KCNH1: variants seen among roughly 807,000 people sequenced by gnomAD.
KCNH1 encodes voltage-gated delayed rectifier potassium channel KCNH1.
A neutral mutation model predicts 69.2 loss-of-function variants in KCNH1; 27 were observed. The ratio of observed to expected loss-of-function variants is 0.39; its 90% CI spans 0.29 to 0.54. The LOEUF (loss-of-function observed/expected upper bound fraction) is 0.54. Ranked by LOEUF, KCNH1 falls within the 20% of genes least tolerant of loss-of-function variation. KCNH1 has a pLI of 0.68. For synonymous variants in KCNH1, 456 were observed against 487.7 expected (o/e 0.93, Z 0.86); for missense variants, 798 against 1,261.6 (o/e 0.63, Z 5.57).
intron 8 of KCNH1, among the ~76,000 whole-genome samples, chr1:210,798,418 A>G (rs2102401549): frequency 6.6e-6 from 1 of 152,342 alleles, no homozygotes; most frequent in East Asian, 1.9e-4. Context: ...GCAAGATAGT[A>G]AACACAAAGG....
chr1:211,090,924 G>GATCTCTTAACTTGT (rs1276179354), intron 3 of KCNH1, among the ~76,000 whole-genome samples: 3 of 152,114 alleles, frequency 2.0e-5, no homozygotes, highest in Admixed American at 2.0e-4. Context: ...TCCAAGTGCT[G>GATCTCTTAACTTGT]ATCTCTTAAC....
chr1:211,044,501 C>A (rs1191633674), intron 5 of KCNH1, among the ~76,000 whole-genome samples: 1 of 152,154 alleles, frequency 6.6e-6, no homozygotes, highest in Non-Finnish European at 1.5e-5. Context: ...AAAATCTTCA[C>A]AATCTATACA....
At chr1:211,102,274 G>A (rs140855540) in intron 3 of KCNH1, among the ~76,000 whole-genome samples, 1 of 152,164 alleles carries the variant, frequency 6.6e-6, no homozygotes. Context: ...TATTCCATTA[G>A]TTTATGACAC....
intron 7 of KCNH1, among the ~76,000 whole-genome samples, chr1:210,834,483 A>G (rs928907373): frequency 1.6e-4 from 21 of 130,426 alleles, no homozygotes; most frequent in African/African-American, 4.1e-4. Context: ...GAATTGAACA[A>G]TGAGAACACA....
intron 9 of KCNH1, among the ~76,000 whole-genome samples, chr1:210,793,881 C>G (rs887757882): frequency 6.6e-6 from 1 of 152,220 alleles, no homozygotes; most frequent in Non-Finnish European, 1.5e-5. Flanking sequence ...CAATGCGAAT[C>G]ATGCAGAGTG....
chr1:211,090,708 A>C lies in KCNH1; in HGVS notation c.311-18T>G. Reference sequence around the variant, plus strand: ...AGGTGTCCCTGAAAGGAATATCAAAAGGTTGGTCAGTAATTTGCATTCTCA... The same window carrying C: ...AGGTGTCCCTGAAAGGAATATCAAACGGTTGGTCAGTAATTTGCATTCTCA... On this transcript the variant is annotated intron_variant, in intron 3 of 10. Coordinates refer to ENST00000271751, the MANE Select transcript of KCNH1 (RefSeq NM_172362.3). The C allele has an allele frequency of 3.8e-6, 6 of 1,594,134 alleles. No homozygotes were observed. Among genetic ancestry groups the C allele is most frequent in the Non-Finnish European group, 5.1e-6 (6 of 1,175,418 alleles).
At chr1:210,916,405 G>A (rs1349714442) in intron 7 of KCNH1, among the ~76,000 whole-genome samples, 1 of 152,186 alleles carries the variant, frequency 6.6e-6, no homozygotes, top group Non-Finnish European at 1.5e-5. Flanking sequence ...CCAGTCCCCT[G>A]AGTCTGCACC....
chr1:211,039,154 G>T (rs764610683), intron 5 of KCNH1, among the ~76,000 whole-genome samples: 1 of 152,170 alleles, frequency 6.6e-6, no homozygotes, highest in Non-Finnish European at 1.5e-5. Context: ...GGCTGAAAGG[G>T]GCCAACATAC....
intron 5 of KCNH1, chr1:211,063,451 G>C (rs1216951108): frequency 1.3e-5 from 2 of 152,164 alleles, no homozygotes; most frequent in Non-Finnish European, 2.9e-5. Context: ...ATAAAGAAGA[G>C]ATGGTTCGGC....
chr1:210,812,750 G>A (rs1684733460), intron 7 of KCNH1, among the ~76,000 whole-genome samples: 1 of 152,210 alleles, frequency 6.6e-6, no homozygotes, highest in Non-Finnish European at 1.5e-5. Context: ...TCAATAATGA[G>A]ATAGAGCAAA....
intron 7 of KCNH1, among the ~76,000 whole-genome samples, chr1:210,881,925 C>G (rs1046271381): frequency 6.6e-5 from 10 of 152,174 alleles, no homozygotes; most frequent in Non-Finnish European, 2.9e-5. Flanking sequence ...GGACAGTAAA[C>G]TATTCTGTAT....
Position 210,789,899 on chromosome 1 carries a change from T to C in KCNH1, c.1915+7609A>G, listed in dbSNP as rs148091172. The stretch of plus-strand genomic sequence containing the variant: ...TTGTGAGTATTGTGAATGGCTATAC[T>C]CCCATTTCTTTCTCTTTTTAGAGAC... On this transcript the variant is annotated intron_variant, in intron 9 of 10. Transcript: ENST00000271751. Among the ~76,000 whole-genome samples the C allele has an allele frequency of 2.0e-4, 31 of 152,344 alleles. No homozygotes were observed. In the East Asian group the frequency reaches 3.9e-3, roughly 19 times the overall value.
intron 9 of KCNH1, among the ~76,000 whole-genome samples, chr1:210,792,476 G>A (rs1574258985): frequency 6.6e-6 from 1 of 152,110 alleles, no homozygotes; most frequent in Admixed American, 6.6e-5. Flanking sequence ...AAGAGTCTGG[G>A]GCTCACAGGA....
chr1:210,760,794 C>T (rs962472748), intron 10 of KCNH1, among the ~76,000 whole-genome samples: 4 of 152,170 alleles, frequency 2.6e-5, no homozygotes, highest in Non-Finnish European at 5.9e-5. Flanking sequence ...GAGACTTATT[C>T]ACTATCATGA....
At chr1:210,907,963 C>T (rs185127819) in intron 7 of KCNH1, among the ~76,000 whole-genome samples, 19 of 152,288 alleles carry the variant, frequency 1.2e-4, no homozygotes, top group Non-Finnish European at 1.2e-4. Flanking sequence ...GACTCTTTTC[C>T]ATGTCTGTTT....
intron 2 of KCNH1, among the ~76,000 whole-genome samples, chr1:211,104,598 C>T (rs1024853975): frequency 6.6e-6 from 1 of 152,066 alleles, no homozygotes; most frequent in Non-Finnish European, 1.5e-5. Flanking sequence ...AATAATGGCA[C>T]AGGAGACTAA....
chr1:210,780,982 G>A lies in KCNH1; in HGVS notation c.1916-5438C>T, dbSNP rs529159712. The stretch of plus-strand genomic sequence containing the variant: ...GAATGGCGTGAACCCGGGAGATGGA[G>A]CTTGCAGTGAGCCGAGATCGCACCA... On this transcript the variant is annotated intron_variant, in intron 9 of 10. Coordinates refer to ENST00000271751, the MANE Select transcript of KCNH1 (RefSeq NM_172362.3). Among the ~76,000 whole-genome samples, 25 of 152,272 alleles carry A rather than the reference G, an allele frequency of 1.6e-4. No individual in the cohort carries two copies. In the South Asian group the frequency reaches 5.0e-3, roughly 30 times the overall value.
At chr1:210,727,687 G>A (rs1328384857) in intron 10 of KCNH1, among the ~76,000 whole-genome samples, 1 of 152,162 alleles carries the variant, frequency 6.6e-6, no homozygotes, top group Admixed American at 6.5e-5. Flanking sequence ...CAGGGAGTTT[G>A]GTCCTTTGGA....
chr1:210,810,598 C>A (rs577624697), intron 7 of KCNH1, among the ~76,000 whole-genome samples: 21 of 152,090 alleles, frequency 1.4e-4, no homozygotes, highest in Admixed American at 3.9e-4. Flanking sequence ...ATTTCTTCAG[C>A]TTTTGCTCTT....
Sources: allele counts gnomAD v4.1 joint callset (sites outside exome capture counted in the v4.1 genomes callset), GRCh38; gene constraint gnomAD v4.1.1; transcripts MANE v1.5; gene names NCBI Gene and HGNC (gene_info 2026-07-23, HGNC 2026-07-21).